HIVEP1: variants seen among roughly 807,000 people sequenced by gnomAD.
The protein encoded by HIVEP1 is HIVEP zinc finger 1.
A neutral mutation model predicts 180.0 loss-of-function variants in HIVEP1; 36 were observed. The ratio of observed to expected loss-of-function variants is 0.20; its 90% CI spans 0.15 to 0.26. The LOEUF (loss-of-function observed/expected upper bound fraction) is 0.26. HIVEP1 is among the 10% of genes least tolerant of loss of function. HIVEP1 has a pLI of 1.00. For synonymous variants in HIVEP1, 1,239 were observed against 1,239.0 expected, an observed-to-expected ratio of 1.00 and a Z score of 0.00; for missense variants, 3,143 against 3,268.7, an observed-to-expected ratio of 0.96 and a Z score of 0.94.
chr6:12,181,967 A>G, the HIVEP1 span, among the ~76,000 whole-genome samples: 1 of 152,198 alleles, frequency 6.6e-6, no homozygotes, highest in Admixed American at 6.5e-5. Flanking sequence ...GAGCCGAGAT[A>G]TGGAAACTAT....
chr6:12,031,337 G>T (rs1483723803), intron 2 of HIVEP1, among the ~76,000 whole-genome samples: 2 of 152,170 alleles, frequency 1.3e-5, no homozygotes, highest in Non-Finnish European at 2.9e-5. Context: ...TGACACATGT[G>T]CAGAGTCTCT....
intron 2 of HIVEP1, among the ~76,000 whole-genome samples, chr6:12,064,877 A>C (rs1402043839): frequency 6.6e-6 from 1 of 152,244 alleles, no homozygotes; most frequent in African/African-American, 2.4e-5. Flanking sequence ...TTCATGAAGC[A>C]GTCAAGACAT....
Position 12,123,071 on chromosome 6 carries a change from T to A in HIVEP1, c.3276T>A (p.His1092Gln), listed in dbSNP as rs370921970. ...QHKNIQLQNS[H>Q]IHLVARGPEQ... Reference sequence around the variant, plus strand: ...AAAATATACAGTTGCAAAACTCCCATATTCACCTTGTTGCCAGGGGCCCTG... The same window carrying A: ...AAAATATACAGTTGCAAAACTCCCAAATTCACCTTGTTGCCAGGGGCCCTG... The change falls in exon 4 of 9, where the codon CAT (histidine) becomes CAA (glutamine). Residue 1092 changes from histidine to glutamine, a missense_variant. Around this residue, in one of 12 missense-constraint regions of HIVEP1, gnomAD observed 1,357 missense variants for 1,260.5 expected, o/e 1.08. Coordinates refer to ENST00000379388, the MANE Select transcript of HIVEP1 (RefSeq NM_002114.4). 46 of 1,614,042 alleles carry A rather than the reference T, an allele frequency of 2.8e-5. No homozygotes were observed. The highest frequency in any genetic ancestry group is 8.3e-5 in the Admixed American group (5 of 59,998).
intron 7 of HIVEP1, among the ~76,000 whole-genome samples, chr6:12,144,715 T>C (rs1352198060): frequency 1.3e-5 from 2 of 152,048 alleles, no homozygotes; most frequent in Non-Finnish European, 2.9e-5. Context: ...GCAAAGGATA[T>C]GAACAGACAC....
At position 12,063,063 on chromosome 6, in the gene HIVEP1, A is replaced by G. The variant is rs1369285201; in HGVS notation, c.41-26121A>G. ...TTATTGCTAACACGTATCATTATTC[A>G]TGATTTAAAAATATAATATGCTAAT... On this transcript the variant is annotated intron_variant, in intron 2 of 8. Transcript: ENST00000379388. This position sits in a 1 kb window ranked among gnomAD's most constrained non-coding sequence, Gnocchi z 4.2. Among the ~76,000 whole-genome samples, 5 of 152,246 alleles carry G rather than the reference A, an allele frequency of 3.3e-5. No individual in the cohort carries two copies. The highest frequency in any genetic ancestry group is 7.3e-5 in the Non-Finnish European group (5 of 68,046).
intron 3 of HIVEP1, among the ~76,000 whole-genome samples, chr6:12,108,739 G>A (rs953298014): frequency 8.5e-5 from 13 of 152,282 alleles, no homozygotes; most frequent in African/African-American, 2.4e-4. Context: ...TGCAAGCGCC[G>A]CGCGCACCCC....
intron 2 of HIVEP1, among the ~76,000 whole-genome samples, chr6:12,034,268 T>C (rs1353694091): frequency 6.6e-6 from 1 of 152,252 alleles, no homozygotes; most frequent in Non-Finnish European, 1.5e-5. Context: ...TTGAGGCTGG[T>C]CTGTAACAGA....
At chr6:12,070,239 A>G (rs1298136588) in intron 2 of HIVEP1, among the ~76,000 whole-genome samples, 3 of 152,250 alleles carry the variant, frequency 2.0e-5, no homozygotes, top group Non-Finnish European at 4.4e-5. Flanking sequence ...ATAGTCATTT[A>G]CTATCATTAT....
chr6:12,055,263 A>T (rs755284289), intron 2 of HIVEP1, among the ~76,000 whole-genome samples: 1 of 152,206 alleles, frequency 6.6e-6, no homozygotes, highest in Non-Finnish European at 1.5e-5. Context: ...TCACGAGGTC[A>T]GGAGATCGAG....
At chr6:12,105,852 A>G (rs933927980) in intron 3 of HIVEP1, among the ~76,000 whole-genome samples, 2 of 152,104 alleles carry the variant, frequency 1.3e-5, no homozygotes, top group South Asian at 4.1e-4. Flanking sequence ...TCTTTCTTAC[A>G]TTGAATTATT....
At chr6:12,211,399 CAAA>C in the HIVEP1 span, among the ~76,000 whole-genome samples, 20 of 71,974 alleles carry the variant, frequency 2.8e-4, no homozygotes, top group East Asian at 4.7e-4. Context: ...GACTCTGTCT[CAAA>C]AAAAAAAAAA....
intron 7 of HIVEP1, among the ~76,000 whole-genome samples, chr6:12,155,187 G>C (rs1056974054): frequency 6.6e-6 from 1 of 152,172 alleles, no homozygotes; most frequent in African/African-American, 2.4e-5. Context: ...TTTTCATCCA[G>C]TTGAAAATAT....
Position 12,125,540 on chromosome 6 carries a change from G to T in HIVEP1, c.5745G>T (p.Gln1915His). 1 of 1,614,184 alleles carries T rather than the reference G, an allele frequency of 6.2e-7. No homozygotes were observed. Among genetic ancestry groups the T allele is most frequent in the South Asian group, 1.1e-5 (1 of 91,086 alleles). The change falls in exon 4 of 9, where the codon CAG becomes CAT. Residue 1915 changes from glutamine to histidine, a missense_variant. Transcript: ENST00000379388. ...DKVNIQEQSQ[Q>H]PVTSLSLFNI... ...TGAACATCCAAGAGCAAAGTCAACA[G>T]CCAGTCACTTCTCTTTCATTGTTTA...
chr6:12,060,065 C>T (rs980766066), intron 2 of HIVEP1, among the ~76,000 whole-genome samples: 1 of 152,112 alleles, frequency 6.6e-6, no homozygotes, highest in Non-Finnish European at 1.5e-5. Context: ...AAACCCACCA[C>T]GTTTATATTG....
At chr6:12,038,571 C>T (rs549710917) in intron 2 of HIVEP1, 1 of 152,542 alleles carries the variant, frequency 6.6e-6, no homozygotes, top group East Asian at 1.9e-4. Context: ...ACTTGGGAGG[C>T]TGAGGCAGGA....
the HIVEP1 span, among the ~76,000 whole-genome samples, chr6:12,185,141 A>T: frequency 6.6e-6 from 1 of 152,238 alleles, no homozygotes; most frequent in African/African-American, 2.4e-5. Context: ...ACAACTTACC[A>T]CAAAGGGCTG....
At chr6:12,184,466 G>A in the HIVEP1 span, among the ~76,000 whole-genome samples, 16 of 152,106 alleles carry the variant, frequency 1.1e-4, no homozygotes, top group Non-Finnish European at 2.1e-4. Context: ...CACAAAAATG[G>A]TATATTTTGA....
At chr6:12,182,231 T>G in the HIVEP1 span, among the ~76,000 whole-genome samples, 1 of 152,164 alleles carries the variant, frequency 6.6e-6, no homozygotes, top group African/African-American at 2.4e-5. Flanking sequence ...AAAAGTCAAA[T>G]AGAAAATAAT....
Position 12,141,479 on chromosome 6 carries a change from C to G in HIVEP1, c.6487+5587C>G, listed in dbSNP as rs955953064. On this transcript the variant is annotated intron_variant, in intron 7 of 8. Transcript: ENST00000379388. ...CTGCATCAACTAACGGGCAAAATAACCAGCTAACATAGTGACGGGATCAAA... is the reference window on the plus strand; with the variant it reads ...CTGCATCAACTAACGGGCAAAATAAGCAGCTAACATAGTGACGGGATCAAA... 3.3e-5 allele frequency among the ~76,000 whole-genome samples: 5 copies of G among 151,906 alleles called. No homozygotes were observed. The East Asian group carries it at 9.7e-4, about 29-fold the overall frequency.
Sources: gnomAD v4.1 joint callset for allele counts (sites outside exome capture counted in the v4.1 genomes callset) on GRCh38, gnomAD v4.1.1 for gene constraint, gnomAD v4.1.1 regional missense constraint, Gnocchi (gnomAD v3.1) non-coding constraint, MANE v1.5 for transcripts, NCBI Gene and HGNC (gene_info 2026-07-23, HGNC 2026-07-21) for gene names.